Variants in SUN1 observed in about 807,000 individuals in gnomAD.
SUN1 encodes the protein Sad1 and UNC84 domain containing 1.
In SUN1, 61 loss-of-function variants were observed where a neutral mutation model predicts 103.2. The observed-to-expected ratio is 0.59, with a 90% confidence interval of 0.48 to 0.73. The LOEUF (loss-of-function observed/expected upper bound fraction) is 0.73, where lower values mean the gene tolerates loss of function less well. SUN1 is among the 30% of genes least tolerant of loss of function. The pLI is 0.00. For synonymous variants in SUN1, 490 were observed against 425.7 expected, an observed-to-expected ratio of 1.15 and a Z score of -1.86; for missense variants, 1,052 against 1,034.6, an observed-to-expected ratio of 1.02 and a Z score of -0.23.
intron 1 of SUN1, among the ~76,000 whole-genome samples, chr7:820,888 A>T (rs1204084016): frequency 1.3e-5 from 2 of 152,116 alleles, no homozygotes; most frequent in Admixed American, 6.6e-5. Context: ...CCTCACTTCC[A>T]ATTGTAAACT....
chr7:854,058 G>A (rs765732955), intron 10 of SUN1, among the ~76,000 whole-genome samples: 37 of 152,212 alleles, frequency 2.4e-4, no homozygotes, highest in Non-Finnish European at 3.4e-4. Flanking sequence ...CCACTGCAGG[G>A]ATCGCGTGGG....
At chr7:818,988 C>G (rs1444031189) in intron 1 of SUN1, among the ~76,000 whole-genome samples, 1 of 151,960 alleles carries the variant, frequency 6.6e-6, no homozygotes, top group Admixed American at 6.6e-5. Context: ...CTCAGCCTCC[C>G]GAATAGCTGG....
intron 1 of SUN1, among the ~76,000 whole-genome samples, chr7:826,255 A>G (rs1791741114): frequency 2.6e-5 from 2 of 75,880 alleles, no homozygotes; most frequent in Admixed American, 1.5e-4. Flanking sequence ...GAAAGAAAGA[A>G]CAAAGAAACG....
chr7:817,837 T>A (rs1583635421), intron 1 of SUN1, among the ~76,000 whole-genome samples: 1 of 152,312 alleles, frequency 6.6e-6, no homozygotes, highest in South Asian at 2.1e-4. Context: ...TTTTTCTGAC[T>A]GTTCTGGAAA....
chr7:861,966 C>T (rs1832595236), intron 15 of SUN1, among the ~76,000 whole-genome samples: 1 of 152,204 alleles, frequency 6.6e-6, no homozygotes, highest in African/African-American at 2.4e-5. Flanking sequence ...TAGGCCAGAC[C>T]TCTTGGGGCA....
upstream of SUN1, among the ~76,000 whole-genome samples, chr7:827,509 C>A (rs1269282396): frequency 4.7e-5 from 7 of 149,326 alleles, no homozygotes; most frequent in Non-Finnish European, 7.4e-5. Flanking sequence ...ACGCTCTGTC[C>A]CCCAGGCTGG....
At chr7:839,405 G>A (rs1014233771) in intron 2 of SUN1, among the ~76,000 whole-genome samples, 2 of 152,194 alleles carry the variant, frequency 1.3e-5, no homozygotes, top group African/African-American at 2.4e-5. Context: ...TTTTTCTGGA[G>A]ACGGAGTCTC....
Position 852,044 on chromosome 7 carries a change from G to A in SUN1, c.851+1G>A. On this transcript the variant is annotated splice_donor_variant, in intron 7 of 18. Transcript: ENST00000401592. LOFTEE classifies it high-confidence loss of function. ...GGCTGAATGTGTTTCTTCTTACCAG[G>A]TAAGGAAATGGATATCATGTCAGCG... 6.2e-7 allele frequency: 1 copy of A among 1,613,998 alleles called. No homozygotes were observed. The highest frequency in any genetic ancestry group is 8.5e-7 in the Non-Finnish European group (1 of 1,179,860).
intron 1 of SUN1, among the ~76,000 whole-genome samples, chr7:834,857 C>T (rs1396565783): frequency 6.6e-6 from 1 of 152,168 alleles, no homozygotes; most frequent in African/African-American, 2.4e-5. Context: ...GGGTGGATCA[C>T]TTGAGGTAAA....
At chr7:843,125 A>C in intron 3 of SUN1, 81 bp from the exon 4 acceptor site, 2 of 1,581,778 alleles carry the variant, frequency 1.3e-6, no homozygotes, top group Non-Finnish European at 1.7e-6. Context: ...TAACCTTTAC[A>C]TTTTTTAATG....
chr7:831,565 C>G (rs778649512), upstream of SUN1, among the ~76,000 whole-genome samples: 1 of 152,284 alleles, frequency 6.6e-6, no homozygotes, highest in Non-Finnish European at 1.5e-5. Context: ...CCACCGCACC[C>G]GGCCGAAACA....
upstream of SUN1, chr7:831,109 A>G (rs1797510234): frequency 1.3e-5 from 9 of 671,110 alleles, no homozygotes; most frequent in Non-Finnish European, 1.7e-5. Context: ...ACAGGTATTA[A>G]CTATTACGTG....
In SUN1 at chr7:841,059, G is replaced by A. The variant is rs887472198; in HGVS notation, c.267-887G>A. Among the ~76,000 whole-genome samples, 3 of 151,918 alleles carry A rather than the reference G, an allele frequency of 2.0e-5. No individual in the cohort carries two copies. In the South Asian group the frequency reaches 6.2e-4, roughly 32 times the overall value. On this transcript the variant is annotated intron_variant, in intron 2 of 18. Coordinates refer to ENST00000401592, the MANE Select transcript of SUN1 (RefSeq NM_001130965.3). ...AGCGATTCTCCAGCCTCAGCCTCCC[G>A]AGTAGCTGGGATTGCAGGCATGTGC...
At chr7:816,277 CA>C (rs1273749101), upstream of SUN1, 1 of 171,996 alleles carries the variant, frequency 5.8e-6, no homozygotes, top group Non-Finnish European at 1.1e-5. Flanking sequence ...CCCCCAGATG[CA>C]AACCCCCCCC....
At position 874,061 on chromosome 7, in the gene SUN1, G is replaced by T. The variant is rs1002305489; in HGVS notation, c.*730G>T. 1 of 152,176 alleles carries T rather than the reference G, an allele frequency of 6.6e-6. No homozygotes were observed. The highest frequency in any genetic ancestry group is 1.5e-5 in the Non-Finnish European group (1 of 68,042). The allele number at this position is 152,176 out of a possible 1,614,324, so 9.4% of individuals were successfully genotyped here. A position where few individuals can be genotyped will look rare whatever the true frequency, so the allele number is the denominator to read the frequency against. On this transcript the variant is annotated 3_prime_UTR_variant, in exon 19 of 19. Transcript: ENST00000401592. ...GATGGGGTTCTCTGGTCTCAGCAAG[G>T]CTTTTCCTGTTGGGAGTCACAGTAA...
At chr7:854,738 T>C (rs1039454942) in intron 10 of SUN1, among the ~76,000 whole-genome samples, 182 bp from the exon 11 acceptor site, 2 of 152,212 alleles carry the variant, frequency 1.3e-5, no homozygotes, top group Non-Finnish European at 1.5e-5. Flanking sequence ...TAAAGACCTC[T>C]GGAGCCAGGG....
chr7:862,909 T>C (rs995416048), intron 15 of SUN1, among the ~76,000 whole-genome samples: 4 of 152,214 alleles, frequency 2.6e-5, no homozygotes, highest in African/African-American at 4.8e-5. Flanking sequence ...CCCAGCACTT[T>C]AGGAGACCAA....
At chr7:861,978 A>G (rs544038574) in intron 15 of SUN1, among the ~76,000 whole-genome samples, 2 of 152,356 alleles carry the variant, frequency 1.3e-5, no homozygotes, top group African/African-American at 4.8e-5. Context: ...CTTGGGGCAG[A>G]TGCATTTGAA....
Position 837,519 on chromosome 7 carries a change from A to G in SUN1, c.78-1279A>G, listed in dbSNP as rs577565165. Reference sequence around the variant, plus strand: ...ACAGTGCATAACTAATCAGAGAGAGACGTTAAGGCCTAGTGGTCTTAAAGG... The same window carrying G: ...ACAGTGCATAACTAATCAGAGAGAGGCGTTAAGGCCTAGTGGTCTTAAAGG... On this transcript the variant is annotated intron_variant, in intron 1 of 18. Coordinates refer to ENST00000401592, the MANE Select transcript of SUN1 (RefSeq NM_001130965.3). Among the ~76,000 whole-genome samples, 419 of 152,300 alleles carry G rather than the reference A, an allele frequency of 2.8e-3. 5 individuals carry two copies. Among genetic ancestry groups the G allele is most frequent in the African/African-American group, 9.3e-3 (387 of 41,560 alleles).
Sources: allele counts gnomAD v4.1 joint callset (sites outside exome capture counted in the v4.1 genomes callset), GRCh38; gene constraint gnomAD v4.1.1; transcripts MANE v1.5; gene names NCBI Gene and HGNC (gene_info 2026-07-23, HGNC 2026-07-21).